Variants in GPR141 observed in about 807,000 individuals in gnomAD.
GPR141 encodes G protein-coupled receptor 141, also known as probable G protein-coupled receptor 141.
Under a neutral mutation model 6.8 loss-of-function variants are expected in GPR141, and 6 were observed. The observed-to-expected ratio is 0.88, with a 90% CI of 0.48 to 1.74. GPR141 has a LOEUF of 1.74. GPR141 is among the 40% of genes most tolerant of loss of function. The pLI is 0.01. For synonymous variants in GPR141, 140 were observed against 142.3 expected (o/e 0.98, Z 0.11); for missense variants, 372 against 372.9 (o/e 1.00, Z 0.02).
chr7:37,724,264 T>A (rs1287716744), intron 2 of GPR141, among the ~76,000 whole-genome samples: 1 of 152,096 alleles, frequency 6.6e-6, no homozygotes, highest in Non-Finnish European at 1.5e-5. Flanking sequence ...AGATCTAACT[T>A]TACTTGAAAC....
intron 2 of GPR141, among the ~76,000 whole-genome samples, chr7:37,690,052 C>G (rs766018994): frequency 6.6e-6 from 1 of 152,040 alleles, no homozygotes; most frequent in Non-Finnish European, 1.5e-5. Flanking sequence ...TCTCTTAATA[C>G]TGCTTTTGCT....
chr7:37,703,726 C>A (rs1190197876), intron 2 of GPR141, among the ~76,000 whole-genome samples: 3 of 152,106 alleles, frequency 2.0e-5, no homozygotes, highest in African/African-American at 7.2e-5. Flanking sequence ...GTAAAGATTG[C>A]AAGATGAAAT....
intron 2 of GPR141, among the ~76,000 whole-genome samples, chr7:37,714,262 T>C (rs1468540035): frequency 6.7e-6 from 1 of 150,272 alleles, no homozygotes; most frequent in African/African-American, 2.5e-5. Context: ...GCAGACTCTG[T>C]ATATTTTTCT....
At chr7:37,719,352 T>C (rs1811204135) in intron 2 of GPR141, among the ~76,000 whole-genome samples, 2 of 152,208 alleles carry the variant, frequency 1.3e-5, no homozygotes, top group South Asian at 4.1e-4. Context: ...GACTCAGTGA[T>C]AAGTTTTTGT....
At chr7:37,713,963 T>C (rs1036418812) in intron 2 of GPR141, among the ~76,000 whole-genome samples, 1 of 152,188 alleles carries the variant, frequency 6.6e-6, no homozygotes, top group African/African-American at 2.4e-5. Flanking sequence ...GATGAAATGG[T>C]AATAAGATCA....
intron 2 of GPR141, among the ~76,000 whole-genome samples, chr7:37,699,668 T>A (rs1810192323): frequency 6.6e-6 from 1 of 152,240 alleles, no homozygotes; most frequent in South Asian, 2.1e-4. Flanking sequence ...TGCAAACTTT[T>A]TATCTAGATG....
At chr7:37,692,456 T>C (rs1373921016) in intron 2 of GPR141, among the ~76,000 whole-genome samples, 1 of 152,226 alleles carries the variant, frequency 6.6e-6, no homozygotes, top group Non-Finnish European at 1.5e-5. Context: ...GCAATAAACA[T>C]ACATGTACAT....
At chr7:37,704,299 T>C (rs918901872) in intron 2 of GPR141, among the ~76,000 whole-genome samples, 2 of 152,088 alleles carry the variant, frequency 1.3e-5, no homozygotes, top group Non-Finnish European at 2.9e-5. Flanking sequence ...TCTGTTCTCA[T>C]GCTGCTATGA....
intron 2 of GPR141, among the ~76,000 whole-genome samples, chr7:37,708,046 A>G (rs1810605023): frequency 6.6e-6 from 1 of 152,172 alleles, no homozygotes; most frequent in Non-Finnish European, 1.5e-5. Flanking sequence ...TGAAGAGAAC[A>G]TTGGAGTGTA....
At chr7:37,722,791 A>T (rs1339534879) in intron 2 of GPR141, among the ~76,000 whole-genome samples, 1 of 152,062 alleles carries the variant, frequency 6.6e-6, no homozygotes, top group Non-Finnish European at 1.5e-5. Context: ...CTAGCAAAAA[A>T]CATGGTTTGA....
intron 2 of GPR141, among the ~76,000 whole-genome samples, chr7:37,708,967 T>C (rs1810666497): frequency 6.6e-6 from 1 of 152,210 alleles, no homozygotes; most frequent in Non-Finnish European, 1.5e-5. Flanking sequence ...ATGGAGGTAT[T>C]ATTAAACTAT....
At chr7:37,721,014 C>T (rs944575820) in intron 2 of GPR141, among the ~76,000 whole-genome samples, 6 of 152,072 alleles carry the variant, frequency 3.9e-5, no homozygotes, top group Non-Finnish European at 7.4e-5. Context: ...AAACAAGGAC[C>T]AATTGTCTAG....
chr7:37,734,233 A>G (rs1194706496), intron 2 of GPR141, among the ~76,000 whole-genome samples: 2 of 152,230 alleles, frequency 1.3e-5, no homozygotes, highest in Non-Finnish European at 2.9e-5. Context: ...TTAATTTTGC[A>G]TAAATTATCT....
intron 2 of GPR141, among the ~76,000 whole-genome samples, chr7:37,698,205 G>A (rs767307568): frequency 2.5e-4 from 38 of 152,186 alleles, no homozygotes; most frequent in Non-Finnish European, 2.2e-4. Context: ...AGCTTCTCAT[G>A]TAAGTAAAAG....
intron 2 of GPR141, among the ~76,000 whole-genome samples, chr7:37,703,553 C>A (rs748979293): frequency 8.5e-5 from 13 of 152,150 alleles, no homozygotes; most frequent in Non-Finnish European, 8.8e-5. Context: ...AGGAACATAG[C>A]ATAGTTGCTA....
intron 2 of GPR141, among the ~76,000 whole-genome samples, chr7:37,694,645 G>T (rs1255854725): frequency 6.6e-6 from 1 of 152,240 alleles, no homozygotes; most frequent in Non-Finnish European, 1.5e-5. Flanking sequence ...AAACATGGCA[G>T]GTGTGCAGAT....
chr7:37,687,997 G>C lies in GPR141; in HGVS notation c.-15+2414G>C, dbSNP rs144258310. Reference sequence around the variant, plus strand: ...ACGATACAACTTACAATTGCAATGTGAATGCAACCACAGACGATGCATAAA... The same window carrying C: ...ACGATACAACTTACAATTGCAATGTCAATGCAACCACAGACGATGCATAAA... On this transcript the variant is annotated intron_variant, in intron 2 of 2. Transcript: ENST00000334425. Among the ~76,000 whole-genome samples the C allele has an allele frequency of 5.8e-3, 883 of 152,220 alleles. 17 individuals are homozygous for C. The highest frequency in any genetic ancestry group is 0.02 in the African/African-American group (823 of 41,476).
chr7:37,733,920 C>T (rs546511851), intron 2 of GPR141, among the ~76,000 whole-genome samples: 23 of 152,188 alleles, frequency 1.5e-4, no homozygotes, highest in African/African-American at 5.3e-4. Context: ...GCCTGTAATC[C>T]CAACATTTTG....
chr7:37,699,478 G>A (rs1267603347), intron 2 of GPR141, among the ~76,000 whole-genome samples: 1 of 152,162 alleles, frequency 6.6e-6, no homozygotes, highest in African/African-American at 2.4e-5. Context: ...GGAGAATGGT[G>A]TGAACCCAAG....
Sources: gnomAD v4.1 joint callset for allele counts (sites outside exome capture counted in the v4.1 genomes callset) on GRCh38, gnomAD v4.1.1 for gene constraint, MANE v1.5 for transcripts, NCBI Gene and HGNC (gene_info 2026-07-23, HGNC 2026-07-21) for gene names.